Variants in CTNNA1 observed in about 807,000 individuals in gnomAD.
CTNNA1 encodes the protein catenin alpha-1.
CTNNA1 carries 37 observed loss-of-function variants against 98.4 expected under a neutral mutation model. The ratio of observed to expected loss-of-function variants is 0.38; its 90% confidence interval spans 0.29 to 0.49. The LOEUF (loss-of-function observed/expected upper bound fraction) is 0.49. Among genes scored for constraint, CTNNA1 ranks in the 20% least tolerant of loss-of-function variants. The pLI, the probability that CTNNA1 is intolerant of heterozygous loss-of-function variation, is 0.95. For missense variants in CTNNA1, 761 were observed against 1,147.2 expected (o/e 0.66, Z 4.86); for synonymous variants, 404 against 413.2 (o/e 0.98, Z 0.27).
At position 138,934,330 on chromosome 5, in the gene CTNNA1, C is replaced by A. The variant is rs568757274; in HGVS notation, c.*241C>A. 7.6e-5 allele frequency: 38 copies of A among 502,028 alleles called. No homozygotes were observed. Among genetic ancestry groups the A allele is most frequent in the African/African-American group, 6.6e-4 (34 of 51,820 alleles). The allele number at this position is 502,028 out of a possible 1,614,324, so 31.1% of individuals were successfully genotyped here. On this transcript the variant is annotated 3_prime_UTR_variant, in exon 18 of 18. Transcript: ENST00000302763. ...GTATGCTTAAATAAAAATAAAAATT[C>A]ATAACCAAAGAGAATCCCACATTAG...
At chr5:138,908,009 G>T (rs1358524387) in intron 10 of CTNNA1, among the ~76,000 whole-genome samples, 1 of 149,788 alleles carries the variant, frequency 6.7e-6, no homozygotes, top group Non-Finnish European at 1.5e-5. Context: ...ACAGAGTCTC[G>T]CTCTGTCACC....
chr5:138,925,932 C>T (rs753238315), intron 13 of CTNNA1, among the ~76,000 whole-genome samples: 9 of 152,176 alleles, frequency 5.9e-5, no homozygotes, highest in Non-Finnish European at 1.0e-4. Flanking sequence ...GTCGCAGGGG[C>T]AGAGGAGAAA....
chr5:138,887,532 G>A lies in CTNNA1; in HGVS notation c.1186G>A (p.Glu396Lys), dbSNP rs772037860. ...GGACCACGTTTCAGATTCTTTCCTG[G>A]AAACCAATGTTCCACTTTTGGTATT... ...VMDHVSDSFL[E>K]TNVPLLVLIE... is the part of the protein sequence containing the mutation. Residue 396 changes from glutamate (E) to lysine (K), a missense_variant, in exon 9 of 18, where the codon GAA (glutamate) becomes AAA (lysine). Coordinates refer to ENST00000302763, the MANE Select transcript of CTNNA1 (RefSeq NM_001903.5). 1 of 1,610,134 alleles carries A rather than the reference G, an allele frequency of 6.2e-7. No individual in the cohort carries two copies.
intron 7 of CTNNA1, chr5:138,869,885 TCA>T (rs1765177479): frequency 1.3e-5 from 2 of 152,642 alleles, no homozygotes; most frequent in South Asian, 4.1e-4. Flanking sequence ...GTGGGTATTC[TCA>T]GAGTTGTGTG....
chr5:138,759,669 A>G (rs1424364054), intron 1 of CTNNA1, among the ~76,000 whole-genome samples: 1 of 152,140 alleles, frequency 6.6e-6, no homozygotes, highest in Non-Finnish European at 1.5e-5. Context: ...TTTGGAGGAC[A>G]GGGTCCTTAT....
At chr5:138,854,178 G>A (rs1395953523) in intron 7 of CTNNA1, among the ~76,000 whole-genome samples, 1 of 152,186 alleles carries the variant, frequency 6.6e-6, no homozygotes, top group African/African-American at 2.4e-5. Flanking sequence ...GCAAAAATGT[G>A]TGTGGATATC....
At chr5:138,849,648 G>T (rs1763019425) in intron 7 of CTNNA1, among the ~76,000 whole-genome samples, 1 of 152,110 alleles carries the variant, frequency 6.6e-6, no homozygotes, top group Non-Finnish European at 1.5e-5. Context: ...GTGAACAGTT[G>T]CCATCAGATG....
At chr5:138,893,549 C>T (rs1019472005) in intron 9 of CTNNA1, among the ~76,000 whole-genome samples, 9 of 151,140 alleles carry the variant, frequency 6.0e-5, no homozygotes, top group African/African-American at 2.2e-4. Flanking sequence ...AATATCTTTT[C>T]TCCTTTTATC....
chr5:138,828,283 T>G (rs1343481983), intron 7 of CTNNA1: 2 of 152,900 alleles, frequency 1.3e-5, no homozygotes, highest in African/African-American at 4.8e-5. Flanking sequence ...AATTGCCAAG[T>G]AGAGTTACAT....
intron 3 of CTNNA1, among the ~76,000 whole-genome samples, chr5:138,793,063 T>G (rs1756550351): frequency 6.6e-6 from 1 of 152,214 alleles, no homozygotes; most frequent in South Asian, 2.1e-4. Context: ...CCACTCCAAT[T>G]CATACCTTTC....
At chr5:138,926,410 T>C (rs781032107) in intron 13 of CTNNA1, among the ~76,000 whole-genome samples, 4 of 152,248 alleles carry the variant, frequency 2.6e-5, no homozygotes, top group Non-Finnish European at 5.9e-5. Flanking sequence ...GCCACGCTGA[T>C]GGAGCCGCAG....
chr5:138,866,854 A>G (rs1764829715), intron 7 of CTNNA1, among the ~76,000 whole-genome samples: 1 of 152,088 alleles, frequency 6.6e-6, no homozygotes, highest in Admixed American at 6.5e-5. Flanking sequence ...AGTAGCTATG[A>G]CTTTCACCTC....
intron 9 of CTNNA1, among the ~76,000 whole-genome samples, chr5:138,899,388 C>G (rs1016104959): frequency 6.6e-6 from 1 of 152,158 alleles, no homozygotes; most frequent in African/African-American, 2.4e-5. Flanking sequence ...GTTTTCTGAA[C>G]CATATACATA....
At position 138,888,289 on chromosome 5, in the gene CTNNA1, A is replaced by G. The variant is rs1181961275; in HGVS notation, c.1296+647A>G. ...CTTATTTCGCAGGTAAGTTAGGCTT[A>G]CTTCTCCTTTTGCTAACTGAAATTA... On this transcript the variant is annotated intron_variant, in intron 9 of 17. Transcript: ENST00000302763. Among the ~76,000 whole-genome samples the G allele has an allele frequency of 6.6e-5, 10 of 152,296 alleles. No individual in the cohort carries two copies. In the Middle Eastern group the frequency reaches 0.014, roughly 207 times the overall value.
At chr5:138,753,708 G>T (rs1751264726) in intron 1 of CTNNA1, 198 bp downstream of exon 1, 4 of 324,456 alleles carry the variant, frequency 1.2e-5, no homozygotes, top group Non-Finnish European at 2.2e-5. Context: ...CCCTTCCCCC[G>T]CAGGGCCCGA....
intron 7 of CTNNA1, among the ~76,000 whole-genome samples, chr5:138,840,903 C>CTCATTAAATATAGTTACA (rs1762216139): frequency 6.6e-6 from 1 of 152,126 alleles, no homozygotes; most frequent in African/African-American, 2.4e-5. Flanking sequence ...CTCTCCTCCC[C>CTCATTAAATATAGTTACA]TCATTAAATA....
At chr5:138,887,379 G>A in intron 8 of CTNNA1, 111 bp from the exon 9 acceptor site, 1 of 733,276 alleles carries the variant, frequency 1.4e-6, no homozygotes, top group South Asian at 2.1e-5. Flanking sequence ...TGTAAGTGCA[G>A]CAAGTCTACC....
intron 3 of CTNNA1, among the ~76,000 whole-genome samples, chr5:138,799,069 A>AT (rs1023822776): frequency 6.6e-6 from 1 of 151,762 alleles, no homozygotes; most frequent in African/African-American, 2.4e-5. Flanking sequence ...TTGTATTATT[A>AT]TTTTTTAGTA....
intron 9 of CTNNA1, among the ~76,000 whole-genome samples, chr5:138,897,000 G>T (rs1011530631): frequency 1.7e-4 from 26 of 152,142 alleles, no homozygotes; most frequent in East Asian, 1.5e-3. Flanking sequence ...TTTCAATTTT[G>T]TGAATTGAGA....
Sources: allele counts gnomAD v4.1 joint callset (sites outside exome capture counted in the v4.1 genomes callset), GRCh38; gene constraint gnomAD v4.1.1; transcripts MANE v1.5; gene names NCBI Gene and HGNC (gene_info 2026-07-23, HGNC 2026-07-21).